UNC5C: variants seen among roughly 807,000 people sequenced by gnomAD.
UNC5C encodes netrin receptor UNC5C.
A neutral mutation model predicts 99.8 loss-of-function variants in UNC5C; 47 were observed. That is an observed-to-expected ratio of 0.47 (90% confidence interval 0.37 to 0.60). The LOEUF (loss-of-function observed/expected upper bound fraction) is 0.60. Ranked by LOEUF, UNC5C falls within the 20% of genes least tolerant of loss-of-function variation. The pLI, the probability that UNC5C is intolerant of heterozygous loss-of-function variation, is 0.00. For missense variants in UNC5C, 1,062 were observed against 1,165.9 expected (o/e 0.91, Z 1.30); for synonymous variants, 487 against 452.2 (o/e 1.08, Z -0.98).
At chr4:95,388,931 A>G (rs998778200) in intron 1 of UNC5C, among the ~76,000 whole-genome samples, 1 of 152,140 alleles carries the variant, frequency 6.6e-6, no homozygotes, top group Non-Finnish European at 1.5e-5. Context: ...CCTATATATT[A>G]TATATAAAAG....
At chr4:95,518,178 T>A (rs151131706) in intron 1 of UNC5C, among the ~76,000 whole-genome samples, 2,548 of 152,220 alleles carry the variant, frequency 0.017, 69 homozygotes, top group African/African-American at 0.059. Flanking sequence ...GGGTAGGCAA[T>A]CTCCTTTATG....
intron 2 of UNC5C, among the ~76,000 whole-genome samples, chr4:95,329,069 T>C (rs762972294): frequency 6.6e-6 from 1 of 152,066 alleles, no homozygotes; most frequent in Non-Finnish European, 1.5e-5. Context: ...GGCAGCAGGA[T>C]CACTTGAGCA....
intron 1 of UNC5C, among the ~76,000 whole-genome samples, chr4:95,472,400 A>AG (rs1473480859): frequency 6.6e-6 from 1 of 152,152 alleles, no homozygotes; most frequent in African/African-American, 2.4e-5. Flanking sequence ...GAGGATCATG[A>AG]GGGGGAGAGG....
At chr4:95,507,245 G>A (rs78301877) in intron 1 of UNC5C, among the ~76,000 whole-genome samples, 1 of 151,712 alleles carries the variant, frequency 6.6e-6, no homozygotes, top group South Asian at 2.1e-4. Flanking sequence ...AGATACAAAG[G>A]AAAGTGTTTA....
intron 3 of UNC5C, 66 bp from the exon 4 acceptor site, chr4:95,278,428 CA>C: frequency 7.5e-7 from 1 of 1,340,550 alleles, no homozygotes; most frequent in Non-Finnish European, 1.1e-6. Flanking sequence ...ACAGAGAGTA[CA>C]AAAAATTTTC....
intron 1 of UNC5C, among the ~76,000 whole-genome samples, chr4:95,521,887 T>A (rs2149490544): frequency 6.6e-6 from 1 of 152,324 alleles, no homozygotes; most frequent in Middle Eastern, 3.4e-3. Context: ...TTTAATTTTA[T>A]CATTCAATTT....
intron 12 of UNC5C, among the ~76,000 whole-genome samples, chr4:95,201,621 TCAGA>T (rs1737661468): frequency 6.6e-6 from 1 of 151,526 alleles, no homozygotes; most frequent in Non-Finnish European, 1.5e-5. Context: ...TTTTTTTTTT[TCAGA>T]CAGAGTTTCA....
At chr4:95,530,373 C>A (rs1216690952) in intron 1 of UNC5C, among the ~76,000 whole-genome samples, 1 of 152,138 alleles carries the variant, frequency 6.6e-6, no homozygotes, top group Non-Finnish European at 1.5e-5. Flanking sequence ...CTCCCCTCTC[C>A]ATTAGGAGGT....
chr4:95,423,772 C>T (rs1746384799), intron 1 of UNC5C, among the ~76,000 whole-genome samples: 1 of 152,156 alleles, frequency 6.6e-6, no homozygotes. Context: ...GCACACATGA[C>T]AGAAAAGTTC....
chr4:95,443,049 T>C (rs1746997275), intron 1 of UNC5C, among the ~76,000 whole-genome samples: 1 of 152,150 alleles, frequency 6.6e-6, no homozygotes, highest in South Asian at 2.1e-4. Flanking sequence ...AGTGAGAAGC[T>C]GGGGATATTT....
At chr4:95,486,567 G>T (rs1660584362) in intron 1 of UNC5C, among the ~76,000 whole-genome samples, 1 of 151,582 alleles carries the variant, frequency 6.6e-6, no homozygotes, top group Non-Finnish European at 1.5e-5. Flanking sequence ...TCCCAAGAAT[G>T]GGTGTCCATA....
intron 12 of UNC5C, among the ~76,000 whole-genome samples, chr4:95,200,436 A>G (rs566612275): frequency 1.3e-5 from 2 of 152,334 alleles, no homozygotes; most frequent in South Asian, 4.1e-4. Flanking sequence ...GGCTGCAGCC[A>G]GTTGCCTGGG....
chr4:95,498,490 T>G (rs1449718332), intron 1 of UNC5C, among the ~76,000 whole-genome samples: 1 of 152,048 alleles, frequency 6.6e-6, no homozygotes, highest in Non-Finnish European at 1.5e-5. Context: ...AAACACTGAA[T>G]GAGATACTCC....
At chr4:95,517,533 C>G (rs1394049607) in intron 1 of UNC5C, among the ~76,000 whole-genome samples, 1 of 152,068 alleles carries the variant, frequency 6.6e-6, no homozygotes, top group Non-Finnish European at 1.5e-5. Flanking sequence ...TTGAAATGCT[C>G]CTAAAAAATC....
chr4:95,380,961 G>T (rs1479776304), intron 1 of UNC5C, among the ~76,000 whole-genome samples: 5 of 152,080 alleles, frequency 3.3e-5, no homozygotes, highest in African/African-American at 4.8e-5. Context: ...AACCTTTGTT[G>T]CAATGAATAT....
chr4:95,526,318 T>TA (rs1722496649), intron 1 of UNC5C, among the ~76,000 whole-genome samples: 2 of 152,078 alleles, frequency 1.3e-5, no homozygotes, highest in Admixed American at 1.3e-4. Flanking sequence ...GGCAATAAAT[T>TA]ATGTGGTCTC....
At chr4:95,202,424 G>GAGAT (rs1173834473) in intron 12 of UNC5C, among the ~76,000 whole-genome samples, 1 of 152,196 alleles carries the variant, frequency 6.6e-6, no homozygotes, top group Non-Finnish European at 1.5e-5. Context: ...GAACGCAGCT[G>GAGAT]AGATAAACAT....
At chr4:95,350,696 T>C (rs1431794655) in intron 1 of UNC5C, among the ~76,000 whole-genome samples, 1 of 152,172 alleles carries the variant, frequency 6.6e-6, no homozygotes, top group Admixed American at 6.6e-5. Flanking sequence ...TGATTTATAA[T>C]ATAGAATAAT....
At position 95,345,206 on chromosome 4, in the gene UNC5C, C is replaced by T. The variant is rs142371796; in HGVS notation, c.125-9575G>A. ...GGAAACCAAAAAAGAGCAGGAATAACTGTACAAAATAGATTTTTCAATACA... is the reference window on the plus strand; with the variant it reads ...GGAAACCAAAAAAGAGCAGGAATAATTGTACAAAATAGATTTTTCAATACA... On this transcript the variant is annotated intron_variant, in intron 1 of 15. Coordinates refer to ENST00000453304, the MANE Select transcript of UNC5C (RefSeq NM_003728.4). Among the ~76,000 whole-genome samples, 463 of 151,846 alleles carry T rather than the reference C, an allele frequency of 3.0e-3. 4 individuals are homozygous for T. The highest frequency in any genetic ancestry group is 3.9e-3 in the Admixed American group (60 of 15,244).
Sources: allele counts gnomAD v4.1 joint callset (sites outside exome capture counted in the v4.1 genomes callset), GRCh38; gene constraint gnomAD v4.1.1; transcripts MANE v1.5; gene names NCBI Gene and HGNC (gene_info 2026-07-23, HGNC 2026-07-21).